Variants in SUMF1 observed in about 807,000 individuals in gnomAD.
The protein encoded by SUMF1 is formylglycine-generating enzyme.
In SUMF1, 48 loss-of-function variants were observed where a neutral mutation model predicts 47.6. The ratio of observed to expected loss-of-function variants is 1.01; its 90% CI spans 0.80 to 1.28. The LOEUF (loss-of-function observed/expected upper bound fraction) is 1.28, where lower values mean the gene tolerates loss of function less well. Among genes scored for constraint, SUMF1 ranks in the 50% most tolerant of loss-of-function variants. The probability of loss-of-function intolerance (pLI) is 0.00; values close to 1 mark genes in which losing one functional copy is unlikely to be tolerated. For synonymous variants in SUMF1, 230 were observed against 192.1 expected (o/e 1.20, Z -1.63); for missense variants, 571 against 485.4 (o/e 1.18, Z -1.66).
chr3:4,443,343 A>T (rs1269423182), intron 3 of SUMF1, among the ~76,000 whole-genome samples: 1 of 152,170 alleles, frequency 6.6e-6, no homozygotes. Flanking sequence ...GAACAAAATA[A>T]ATCAGAATCC....
At chr3:4,332,438 C>T (rs1699068655) in intron 8 of SUMF1, among the ~76,000 whole-genome samples, 1 of 152,198 alleles carries the variant, frequency 6.6e-6, no homozygotes, top group Non-Finnish European at 1.5e-5. Context: ...AATATTGTAA[C>T]ATCATTTGCT....
intron 8 of SUMF1, among the ~76,000 whole-genome samples, chr3:4,318,832 T>C (rs1001723791): frequency 1.3e-5 from 2 of 151,632 alleles, no homozygotes; most frequent in African/African-American, 2.4e-5. Flanking sequence ...CATTTGAACC[T>C]GGGGTGGAGG....
intron 8 of SUMF1, among the ~76,000 whole-genome samples, chr3:4,092,230 G>C (rs1331005925): frequency 2.6e-5 from 4 of 152,066 alleles, no homozygotes; most frequent in Non-Finnish European, 5.9e-5. Flanking sequence ...ACAGGGCCAG[G>C]GTTCCAGTCT....
At chr3:4,322,866 T>A (rs74927171) in intron 8 of SUMF1, among the ~76,000 whole-genome samples, 15,053 of 152,092 alleles carry the variant, frequency 0.099, 881 homozygotes, top group Non-Finnish European at 0.13. Flanking sequence ...AAAACATGTC[T>A]ACAAAAAGTG....
intron 9 of SUMF1, among the ~76,000 whole-genome samples, chr3:4,036,877 AC>A (rs148731163): frequency 0.02 from 2,904 of 142,196 alleles, 84 homozygotes; most frequent in African/African-American, 0.067. Context: ...AAAAAAAGAG[AC>A]CATGGTGAAA....
chr3:4,112,862 C>T (rs1455358165), intron 8 of SUMF1, among the ~76,000 whole-genome samples: 1 of 152,170 alleles, frequency 6.6e-6, no homozygotes, highest in African/African-American at 2.4e-5. Flanking sequence ...CAAATAATTG[C>T]AAGCCCTCAT....
At chr3:4,303,338 G>T in intron 8 of SUMF1, 1 of 1,517,678 alleles carries the variant, frequency 6.6e-7, no homozygotes, top group Non-Finnish European at 8.8e-7. Context: ...GCCCAGGACT[G>T]TCAGGGTAGT....
At chr3:4,372,937 C>G (rs1700211859) in intron 8 of SUMF1, among the ~76,000 whole-genome samples, 1 of 152,170 alleles carries the variant, frequency 6.6e-6, no homozygotes, top group Non-Finnish European at 1.5e-5. Context: ...ATTCATTTGA[C>G]CAAGATCCTG....
At position 4,248,151 on chromosome 3, in the gene SUMF1, C is replaced by T. The variant is rs182801962; in HGVS notation, c.1014+128179G>A. 9.2e-4 allele frequency among the ~76,000 whole-genome samples: 140 copies of T among 152,198 alleles called. 1 individual carries two copies. The highest frequency in any genetic ancestry group is 5.4e-3 in the Admixed American group (82 of 15,286). On this transcript the variant is annotated intron_variant and NMD_transcript_variant, in intron 8 of 12. Coordinates refer to the SUMF1 transcript ENST00000448413. ...TTTTTGTCCTGGGTAAGTCTCATTG[C>T]CCAGTGATGCTCTAGCCATTGAGGC...
intron 8 of SUMF1, among the ~76,000 whole-genome samples, chr3:4,274,218 C>T (rs966035999): frequency 6.6e-6 from 1 of 152,094 alleles, no homozygotes; most frequent in Non-Finnish European, 1.5e-5. Flanking sequence ...TACACATATA[C>T]CTAGGCTTAA....
rs574330468 is a variant in SUMF1 at position 4,082,927 on chromosome 3, C to T, written c.1015-14182G>A. Among the ~76,000 whole-genome samples the T allele has an allele frequency of 2.7e-3, 417 of 152,218 alleles. 3 individuals carry two copies. The highest frequency in any genetic ancestry group is 4.8e-3 in the Non-Finnish European group (325 of 68,020). ...AAACTCTTTTTCTGTGTAATAAGTG[C>T]CCAGCAGATAAACGACCAGAGTGGT... On this transcript the variant is annotated intron_variant and NMD_transcript_variant, in intron 8 of 12. Coordinates refer to the SUMF1 transcript ENST00000448413.
intron 8 of SUMF1, among the ~76,000 whole-genome samples, chr3:4,228,236 A>G (rs1696217277): frequency 6.6e-6 from 1 of 152,126 alleles, no homozygotes; most frequent in Non-Finnish European, 1.5e-5. Context: ...ACTTTATTTA[A>G]GTCAAAATTA....
intron 8 of SUMF1, among the ~76,000 whole-genome samples, chr3:4,288,880 T>C (rs570478487): frequency 2.6e-5 from 4 of 152,280 alleles, no homozygotes; most frequent in African/African-American, 9.6e-5. Flanking sequence ...CAAAGGAAGA[T>C]GGTTTCGGAA....
chr3:4,273,740 T>C (rs1575042935), intron 8 of SUMF1, among the ~76,000 whole-genome samples: 1 of 36,932 alleles, frequency 2.7e-5, no homozygotes, highest in African/African-American at 1.8e-4. Flanking sequence ...GGAGGGAGGA[T>C]ACGGGAGGGA....
At chr3:4,136,886 G>A (rs1693946526) in intron 8 of SUMF1, among the ~76,000 whole-genome samples, 1 of 152,150 alleles carries the variant, frequency 6.6e-6, no homozygotes, top group South Asian at 2.1e-4. Flanking sequence ...CATCATCACT[G>A]GCCATCAGAG....
intron 3 of SUMF1, among the ~76,000 whole-genome samples, chr3:4,429,972 T>C (rs1465960460): frequency 6.6e-6 from 1 of 152,212 alleles, no homozygotes; most frequent in Non-Finnish European, 1.5e-5. Flanking sequence ...TTTAAAAGTA[T>C]GCTTTTAAAG....
intron 8 of SUMF1, among the ~76,000 whole-genome samples, chr3:4,177,388 C>T (rs926395610): frequency 2.6e-5 from 4 of 152,278 alleles, no homozygotes; most frequent in Admixed American, 1.3e-4. Flanking sequence ...AAGAAACTCA[C>T]TCAAAACCGC....
chr3:4,075,354 T>C (rs924234167), intron 8 of SUMF1, among the ~76,000 whole-genome samples: 1 of 151,384 alleles, frequency 6.6e-6, no homozygotes, highest in African/African-American at 2.4e-5. Context: ...AAATAATAAG[T>C]TATTTATGAT....
At chr3:4,035,486 G>A (rs1235496910) in intron 9 of SUMF1, among the ~76,000 whole-genome samples, 1 of 152,156 alleles carries the variant, frequency 6.6e-6, no homozygotes, top group African/African-American at 2.4e-5. Flanking sequence ...ATCCCAACCA[G>A]ATCATTCAAA....
Sources: gnomAD v4.1 joint callset for allele counts (sites outside exome capture counted in the v4.1 genomes callset) on GRCh38, gnomAD v4.1.1 for gene constraint, MANE v1.5 for transcripts, NCBI Gene and HGNC (gene_info 2026-07-23, HGNC 2026-07-21) for gene names.